Variants in EEA1 observed in about 807,000 individuals in gnomAD.
EEA1 encodes early endosome antigen 1, 162kD.
EEA1 carries 111 observed loss-of-function variants against 209.2 expected under a neutral mutation model. The observed-to-expected ratio is 0.53, with a 90% confidence interval of 0.45 to 0.62. EEA1 has a LOEUF of 0.62. Among genes scored for constraint, EEA1 ranks in the 20% least tolerant of loss-of-function variants. The probability of loss-of-function intolerance (pLI) is 0.00; values close to 1 mark genes in which losing one functional copy is unlikely to be tolerated. For missense variants in EEA1, 1,343 were observed against 1,530.8 expected (o/e 0.88, Z 2.05); for synonymous variants, 536 against 540.6 (o/e 0.99, Z 0.12).
Position 92,923,302 on chromosome 12 carries a change from T to C in EEA1, c.24+5741A>G, listed in dbSNP as rs1881082305. ...GGCGGAGCTTGTAGTGAGCCGAGAT[T>C]GCGCCACTGCACTCCAGCCTGGGCG... is the stretch of plus-strand genomic sequence containing the variant. On this transcript the variant is annotated intron_variant, in intron 1 of 28. Coordinates refer to ENST00000322349, the MANE Select transcript of EEA1 (RefSeq NM_003566.4). 2.0e-5 allele frequency among the ~76,000 whole-genome samples: 3 copies of C among 152,192 alleles called. No individual in the cohort carries two copies. In the South Asian group the frequency reaches 6.2e-4, roughly 32 times the overall value.
chr12:92,788,823 T>C (rs1874256540), intron 21 of EEA1, among the ~76,000 whole-genome samples: 1 of 152,204 alleles, frequency 6.6e-6, no homozygotes, highest in South Asian at 2.1e-4. Context: ...CTAGAAACAC[T>C]TTCTTCAACT....
intron 2 of EEA1, among the ~76,000 whole-genome samples, chr12:92,885,686 T>C (rs910173142): frequency 6.6e-6 from 1 of 152,174 alleles, no homozygotes; most frequent in Non-Finnish European, 1.5e-5. Flanking sequence ...TAAGTGGAAG[T>C]GGATCATGAC....
At chr12:92,782,162 T>C in intron 22 of EEA1, 27 bp from the exon 23 acceptor site, 4 of 1,560,286 alleles carry the variant, frequency 2.6e-6, no homozygotes, top group Non-Finnish European at 3.5e-6. Context: ...TCCCAAATTA[T>C]TATATGCCAT....
intron 23 of EEA1, among the ~76,000 whole-genome samples, chr12:92,780,788 C>T (rs1175635652): frequency 6.6e-6 from 1 of 152,064 alleles, no homozygotes; most frequent in Non-Finnish European, 1.5e-5. Flanking sequence ...TTTTAAATCT[C>T]CATTTTCTAG....
rs760537009 is a variant in EEA1 at position 92,811,372 on chromosome 12, T to G, written c.2106A>C (p.Glu702Asp). The G allele has an allele frequency of 1.1e-5, 18 of 1,606,524 alleles. No individual in the cohort carries two copies. Among genetic ancestry groups the G allele is most frequent in the Middle Eastern group, 3.3e-4 (2 of 6,026 alleles). The change falls in exon 17 of 29, where the codon GAA becomes GAC. Residue 702 changes from glutamate to aspartate, a missense_variant. By Grantham distance (45) the Glu-to-Asp change is conservative. This residue lies in a region of EEA1 where 1,307 missense variants were observed against 1,465.5 expected (regional missense o/e 0.89). Transcript: ENST00000322349. The stretch of plus-strand genomic sequence containing the variant: ...GATGACTTTCCAGCTGACTGCAATG[T>G]TCTTGCTTGTCTTGTAACTTTGCAG... Reference protein sequence around the residue: ...QVTAKLQDKQEHCSQLESHLK... With the variant: ...QVTAKLQDKQDHCSQLESHLK...
At chr12:92,928,962 G>C (rs1881320448) in intron 1 of EEA1, 81 bp downstream of exon 1, 4 of 1,465,556 alleles carry the variant, frequency 2.7e-6, no homozygotes, top group Non-Finnish European at 3.7e-6. Context: ...AGCCCGCGCT[G>C]AGGAGGGGCG....
At chr12:92,902,143 G>A (rs570532553) in intron 1 of EEA1, among the ~76,000 whole-genome samples, 3 of 152,238 alleles carry the variant, frequency 2.0e-5, no homozygotes, top group African/African-American at 7.2e-5. Flanking sequence ...GCAGTGAACT[G>A]TGATTATGCC....
At chr12:92,791,581 A>G (rs1464095349) in intron 21 of EEA1, among the ~76,000 whole-genome samples, 1 of 152,236 alleles carries the variant, frequency 6.6e-6, no homozygotes, top group Non-Finnish European at 1.5e-5. Flanking sequence ...TAACTATCCT[A>G]AATGTATATG....
intron 1 of EEA1, among the ~76,000 whole-genome samples, chr12:92,894,157 A>G (rs1879771085): frequency 6.6e-6 from 1 of 152,206 alleles, no homozygotes; most frequent in Non-Finnish European, 1.5e-5. Flanking sequence ...TTGAGGCACT[A>G]CAACCCATAC....
At chr12:92,790,547 A>G (rs896659288) in intron 21 of EEA1, among the ~76,000 whole-genome samples, 2 of 152,210 alleles carry the variant, frequency 1.3e-5, no homozygotes, top group African/African-American at 4.8e-5. Context: ...TTGAAGATCA[A>G]ATGAACAAAA....
At chr12:92,799,587 C>A (rs1304884958) in intron 20 of EEA1, among the ~76,000 whole-genome samples, 2 of 151,646 alleles carry the variant, frequency 1.3e-5, no homozygotes, top group South Asian at 4.2e-4. Context: ...GAGATCGAGA[C>A]CATCCTGGCT....
In EEA1 at chr12:92,779,281, T is replaced by A. The variant is rs1490627682; in HGVS notation, c.3488A>T (p.Asp1163Val). 4 of 1,597,892 alleles carry A rather than the reference T, an allele frequency of 2.5e-6. No individual in the cohort carries two copies. In the East Asian group the frequency reaches 9.0e-5, roughly 36 times the overall value. ...ESIKEITNLK[D>V]AKQLLIQQKL... The stretch of plus-strand genomic sequence containing the variant: ...CTGCTGAATTAGAAGCTGTTTAGCA[T>A]CTTTAAGATTTGTTATCTCCTGTTG... Residue 1163 changes from aspartate to valine, a missense_variant, in exon 25 of 29, where the codon GAT (aspartate) becomes GTT (valine). Asp to Val is a radical substitution (Grantham distance 152). Transcript: ENST00000322349.
At position 92,798,752 on chromosome 12, in the gene EEA1, T is replaced by A. The variant is rs1874763476; in HGVS notation, c.2967+140A>T. ...GGTATTTGATAATATAGTCAAATGC[T>A]TTCATATATTAAACTTAGAAAAAAA... On this transcript the variant is annotated intron_variant, in intron 21 of 28. Transcript: ENST00000322349. 5.8e-6 allele frequency: 3 copies of A among 521,504 alleles called. No homozygotes were observed. In the South Asian group the frequency reaches 1.2e-4, roughly 21 times the overall value. The allele number at this position is 521,504 out of a possible 1,614,324, so 32.3% of individuals were successfully genotyped here.
intron 10 of EEA1, among the ~76,000 whole-genome samples, chr12:92,838,730 C>A (rs929286785): frequency 2.0e-5 from 3 of 151,878 alleles, no homozygotes; most frequent in Non-Finnish European, 4.4e-5. Flanking sequence ...TAGAGAAATT[C>A]TTGTACTAAT....
intron 5 of EEA1, among the ~76,000 whole-genome samples, chr12:92,855,385 G>A (rs11611447): frequency 1.9e-3 from 289 of 150,578 alleles, no homozygotes; most frequent in Non-Finnish European, 2.9e-3. Context: ...AGCCGAGATC[G>A]CGCGCCACTG....
At chr12:92,912,062 T>C (rs1880602004) in intron 1 of EEA1, among the ~76,000 whole-genome samples, 1 of 152,172 alleles carries the variant, frequency 6.6e-6, no homozygotes, top group African/African-American at 2.4e-5. Context: ...GTAGAAGCAA[T>C]GAAAGATTTA....
At chr12:92,853,258 T>A (rs987302600) in intron 6 of EEA1, among the ~76,000 whole-genome samples, 2 of 152,226 alleles carry the variant, frequency 1.3e-5, no homozygotes, top group African/African-American at 4.8e-5. Flanking sequence ...TGCTAAATAA[T>A]CTATAAATAT....
intron 1 of EEA1, among the ~76,000 whole-genome samples, chr12:92,892,912 G>A (rs1382723387): frequency 1.3e-5 from 2 of 152,216 alleles, no homozygotes; most frequent in African/African-American, 2.4e-5. Context: ...TTACAGGCAT[G>A]AGCCACAGCG....
chr12:92,832,673 C>A lies in EEA1; in HGVS notation c.1093G>T (p.Val365Leu). 1 of 1,613,976 alleles carries A rather than the reference C, an allele frequency of 6.2e-7. No individual in the cohort carries two copies. Among genetic ancestry groups the A allele is most frequent in the South Asian group, 1.1e-5 (1 of 91,076 alleles). Residue 365 changes from valine (V) to leucine (L), a missense_variant, in exon 11 of 29, where the codon GTA (valine) becomes TTA (leucine). Physicochemically the swap from Val to Leu is conservative, Grantham distance 32. Transcript: ENST00000322349. ...GCTTCTCCTTTTTCACTTAGTTCTA[C>A]ATGTATTCTATGCAGTGAGGTTTCA... ...ASETSLHRIH[V>L]ELSEKGEATQ...
Sources: allele counts gnomAD v4.1 joint callset (sites outside exome capture counted in the v4.1 genomes callset), GRCh38; gene constraint gnomAD v4.1.1; regional missense constraint gnomAD v4.1.1; transcripts MANE v1.5; gene names NCBI Gene and HGNC (gene_info 2026-07-23, HGNC 2026-07-21).